Variants in ST6GALNAC3 observed in about 807,000 individuals in gnomAD.
ST6GALNAC3 encodes the protein ST6 N-acetylgalactosaminide alpha-2,6-sialyltransferase 3, also known as alpha-N-acetylgalactosaminide alpha-2,6-sialyltransferase 3.
A neutral mutation model predicts 32.7 loss-of-function variants in ST6GALNAC3; 25 were observed. That is an observed-to-expected ratio of 0.76 (90% CI 0.56 to 1.07). ST6GALNAC3 has a LOEUF of 1.07. Ranked by LOEUF, ST6GALNAC3 falls within the 50% of genes least tolerant of loss-of-function variation. The probability of loss-of-function intolerance (pLI) is 0.00; values close to 1 mark genes in which losing one functional copy is unlikely to be tolerated. For synonymous variants in ST6GALNAC3, 129 were observed against 133.1 expected, an observed-to-expected ratio of 0.97 and a Z score of 0.21; for missense variants, 355 against 382.4, an observed-to-expected ratio of 0.93 and a Z score of 0.60.
chr1:76,208,754 C>G (rs532309160), intron 1 of ST6GALNAC3, among the ~76,000 whole-genome samples: 53 of 152,232 alleles, frequency 3.5e-4, no homozygotes, highest in African/African-American at 1.2e-3. Context: ...CTGCCATTTT[C>G]CAGTCACACT....
chr1:76,193,081 C>A (rs971853445), intron 1 of ST6GALNAC3, among the ~76,000 whole-genome samples: 3 of 152,048 alleles, frequency 2.0e-5, no homozygotes, highest in African/African-American at 4.8e-5. Context: ...TAGAAACAAG[C>A]TTTTGTGCTT....
chr1:76,247,465 A>C (rs941195760), intron 1 of ST6GALNAC3, among the ~76,000 whole-genome samples: 1 of 151,864 alleles, frequency 6.6e-6, no homozygotes, highest in African/African-American at 2.4e-5. Context: ...GGAAGATGAG[A>C]GTTGTATCTG....
At chr1:76,307,059 G>C (rs1282740206) in intron 1 of ST6GALNAC3, among the ~76,000 whole-genome samples, 1 of 152,076 alleles carries the variant, frequency 6.6e-6, no homozygotes, top group Non-Finnish European at 1.5e-5. Flanking sequence ...ACAAGATAGA[G>C]CTGAAGACTG....
intron 1 of ST6GALNAC3, among the ~76,000 whole-genome samples, chr1:76,224,460 G>C (rs915418975): frequency 2.0e-5 from 3 of 152,228 alleles, no homozygotes; most frequent in African/African-American, 4.8e-5. Context: ...AACTTAGAGA[G>C]TTAGTGCTAG....
chr1:76,142,305 T>A (rs1650378619), intron 1 of ST6GALNAC3, among the ~76,000 whole-genome samples: 1 of 152,204 alleles, frequency 6.6e-6, no homozygotes, highest in African/African-American at 2.4e-5. Flanking sequence ...TGTTTCTCTT[T>A]CACATGACAG....
chr1:76,194,312 T>G (rs1371614325), intron 1 of ST6GALNAC3, among the ~76,000 whole-genome samples: 1 of 152,142 alleles, frequency 6.6e-6, no homozygotes, highest in Non-Finnish European at 1.5e-5. Context: ...GGAAGAAAGT[T>G]TATAGGCTAA....
chr1:76,165,908 T>C (rs1222092203), intron 1 of ST6GALNAC3, among the ~76,000 whole-genome samples: 1 of 152,226 alleles, frequency 6.6e-6, no homozygotes, highest in Non-Finnish European at 1.5e-5. Flanking sequence ...ATGCTAGATA[T>C]TAGACCTTTG....
intron 1 of ST6GALNAC3, among the ~76,000 whole-genome samples, chr1:76,094,903 C>T (rs1647103483): frequency 6.6e-6 from 1 of 151,276 alleles, no homozygotes; most frequent in Admixed American, 6.6e-5. Flanking sequence ...ACTCACTGAG[C>T]TTTATGCTAC....
intron 1 of ST6GALNAC3, among the ~76,000 whole-genome samples, chr1:76,284,701 G>A (rs1304651455): frequency 2.0e-5 from 3 of 151,960 alleles, no homozygotes; most frequent in Non-Finnish European, 4.4e-5. Flanking sequence ...AACCTGAAAC[G>A]ATCTCCTGAG....
chr1:76,441,222 A>T (rs187270459), intron 3 of ST6GALNAC3, among the ~76,000 whole-genome samples: 20 of 152,246 alleles, frequency 1.3e-4, no homozygotes, highest in Admixed American at 5.9e-4. Context: ...TAATGATCAT[A>T]AATATCATTT....
intron 3 of ST6GALNAC3, among the ~76,000 whole-genome samples, chr1:76,595,689 GCA>G (rs55816071): frequency 0.83 from 125,120 of 150,978 alleles, 52,646 homozygotes; most frequent in Non-Finnish European, 0.91. Flanking sequence ...TCATACACAC[GCA>G]CACACACACA....
intron 2 of ST6GALNAC3, among the ~76,000 whole-genome samples, chr1:76,327,913 T>C (rs994660656): frequency 6.6e-6 from 1 of 152,190 alleles, no homozygotes; most frequent in African/African-American, 2.4e-5. Context: ...AACCAAATAT[T>C]TGGGTACTAT....
At chr1:76,503,315 C>T (rs1661289031) in intron 3 of ST6GALNAC3, among the ~76,000 whole-genome samples, 1 of 152,240 alleles carries the variant, frequency 6.6e-6, no homozygotes, top group Non-Finnish European at 1.5e-5. Flanking sequence ...CCCAACTCCC[C>T]TCCATTTGGC....
At chr1:76,245,058 G>C (rs1657182567) in intron 1 of ST6GALNAC3, among the ~76,000 whole-genome samples, 1 of 152,098 alleles carries the variant, frequency 6.6e-6, no homozygotes. Context: ...GGATCCATCT[G>C]GTCCTGGGCT....
At chr1:76,457,138 A>G (rs1183537657) in intron 3 of ST6GALNAC3, among the ~76,000 whole-genome samples, 3 of 152,038 alleles carry the variant, frequency 2.0e-5, no homozygotes, top group South Asian at 2.1e-4. Flanking sequence ...TAGAAATCCA[A>G]CTTACAAGGG....
chr1:76,101,250 A>T (rs1647218174), intron 1 of ST6GALNAC3, among the ~76,000 whole-genome samples: 1 of 152,208 alleles, frequency 6.6e-6, no homozygotes, highest in South Asian at 2.1e-4. Flanking sequence ...ATATAGTTGG[A>T]ATCATAGAGT....
At chr1:76,484,501 A>G (rs1283044848) in intron 3 of ST6GALNAC3, among the ~76,000 whole-genome samples, 1 of 152,100 alleles carries the variant, frequency 6.6e-6, no homozygotes, top group African/African-American at 2.4e-5. Flanking sequence ...ATGGGAGTTC[A>G]CTCATGATTT....
At chr1:76,457,641 C>T (rs1396407081) in intron 3 of ST6GALNAC3, among the ~76,000 whole-genome samples, 2 of 151,960 alleles carry the variant, frequency 1.3e-5, no homozygotes, top group Non-Finnish European at 2.9e-5. Context: ...GGAAAGGATT[C>T]CCTATTTAAT....
intron 2 of ST6GALNAC3, among the ~76,000 whole-genome samples, chr1:76,355,827 A>T (rs1392069142): frequency 6.6e-6 from 1 of 152,154 alleles, no homozygotes; most frequent in African/African-American, 2.4e-5. Context: ...CAAGGGTTTA[A>T]TCTATCAAAG....
Sources: allele counts gnomAD v4.1 joint callset (sites outside exome capture counted in the v4.1 genomes callset), GRCh38; gene constraint gnomAD v4.1.1; transcripts MANE v1.5; gene names NCBI Gene and HGNC (gene_info 2026-07-23, HGNC 2026-07-21).